Variants in RNFT2 observed in about 807,000 individuals in gnomAD.
RNFT2 encodes the protein ring finger protein, transmembrane 2.
Under a neutral mutation model 53.0 loss-of-function variants are expected in RNFT2, and 36 were observed. The ratio of observed to expected loss-of-function variants is 0.68; its 90% CI spans 0.52 to 0.90. RNFT2 has a LOEUF of 0.90. Among genes scored for constraint, RNFT2 ranks in the 40% least tolerant of loss-of-function variants. RNFT2 has a pLI of 0.00. For missense variants in RNFT2, 514 were observed against 585.6 expected (o/e 0.88, Z 1.26); for synonymous variants, 260 against 253.2 (o/e 1.03, Z -0.26).
intron 7 of RNFT2, among the ~76,000 whole-genome samples, chr12:116,794,492 G>T (rs1019105323): frequency 6.6e-6 from 1 of 151,352 alleles, no homozygotes; most frequent in Non-Finnish European, 1.5e-5. Context: ...CAGCTACGCG[G>T]GAGGCTGAGG....
chr12:116,851,403 C>G lies in RNFT2; in HGVS notation c.*1955C>G. On this transcript the variant is annotated 3_prime_UTR_variant, in exon 11 of 11. Transcript: ENST00000257575. Reference sequence around the variant, plus strand: ...TTAACCTCCGCACTGCTCTGCCCCTCAGACATTCCAGGCATGGGGCCCAGC... The same window carrying G: ...TTAACCTCCGCACTGCTCTGCCCCTGAGACATTCCAGGCATGGGGCCCAGC... 1 of 322,298 alleles carries G rather than the reference C, an allele frequency of 3.1e-6. No homozygotes were observed. The highest frequency in any genetic ancestry group is 3.2e-5 in the South Asian group (1 of 31,732). 20.0% of individuals were successfully genotyped at this position (322,298 alleles called of 1,614,324 possible).
chr12:116,809,241 C>T (rs1263358744), intron 7 of RNFT2, among the ~76,000 whole-genome samples: 1 of 152,164 alleles, frequency 6.6e-6, no homozygotes, highest in African/African-American at 2.4e-5. Flanking sequence ...GGAGCAGAGT[C>T]GTGGCTGCAT....
In RNFT2 at chr12:116,849,578, C is replaced by G. The variant is rs991043443; in HGVS notation, c.*130C>G. 7.0e-7 allele frequency: 1 copy of G among 1,429,142 alleles called. No homozygotes were observed. The highest frequency in any genetic ancestry group is 1.4e-5 in the African/African-American group (1 of 70,116). 88.5% of individuals were successfully genotyped at this position (1,429,142 alleles called of 1,614,324 possible). On this transcript the variant is annotated 3_prime_UTR_variant, in exon 11 of 11. Coordinates refer to ENST00000257575, the MANE Select transcript of RNFT2 (RefSeq NM_001382266.1). Reference sequence around the variant, plus strand: ...CTCTTGCCCTCCACCACCTCTGACCCCAAAGTCCCGCCCCTGTCTTGTCCT... The same window carrying G: ...CTCTTGCCCTCCACCACCTCTGACCGCAAAGTCCCGCCCCTGTCTTGTCCT...
intron 7 of RNFT2, among the ~76,000 whole-genome samples, chr12:116,811,847 G>A (rs999627802): frequency 6.6e-6 from 1 of 152,278 alleles, no homozygotes; most frequent in African/African-American, 2.4e-5. Flanking sequence ...AACCCTGAAT[G>A]GAAGGAAGGA....
At position 116,852,340 on chromosome 12, in the gene RNFT2, T is replaced by A; in HGVS notation, c.*2892T>A. ...CCCTTCCCCCTGCCCCGCCGTAGAT[T>A]CAGGACATTTGCCCCTGTGTGCCAC... On this transcript the variant is annotated 3_prime_UTR_variant, in exon 11 of 11. Coordinates refer to ENST00000257575, the MANE Select transcript of RNFT2 (RefSeq NM_001382266.1). 7.8e-7 allele frequency: 1 copy of A among 1,278,844 alleles called. No homozygotes were observed. The highest frequency in any genetic ancestry group is 2.0e-5 in the South Asian group (1 of 50,374). The allele number at this position is 1,278,844 out of a possible 1,614,324, so 79.2% of individuals were successfully genotyped here.
intron 7 of RNFT2, among the ~76,000 whole-genome samples, chr12:116,825,046 G>C (rs1231962771): frequency 6.6e-6 from 1 of 152,160 alleles, no homozygotes; most frequent in Non-Finnish European, 1.5e-5. Flanking sequence ...TATCTGCTGG[G>C]GCTGGACTGT....
At chr12:116,767,856 G>A (rs1872985970) in intron 6 of RNFT2, among the ~76,000 whole-genome samples, 3 of 152,212 alleles carry the variant, frequency 2.0e-5, no homozygotes, top group Admixed American at 1.3e-4. Context: ...GGGATTACAG[G>A]CGTGAGCCAC....
At chr12:116,806,431 T>TAGATAGA in intron 7 of RNFT2, among the ~76,000 whole-genome samples, 1 of 151,182 alleles carries the variant, frequency 6.6e-6, no homozygotes, top group Non-Finnish European at 1.5e-5. Context: ...GATAGATAGA[T>TAGATAGA]TCATCTAGTT....
At chr12:116,793,896 C>T (rs1426031827) in intron 7 of RNFT2, among the ~76,000 whole-genome samples, 1 of 152,112 alleles carries the variant, frequency 6.6e-6, no homozygotes, top group Admixed American at 6.6e-5. Context: ...TGTCCTTCCC[C>T]ACTAGAATGT....
At chr12:116,745,814 C>T (rs974104466) in intron 3 of RNFT2, among the ~76,000 whole-genome samples, 1 of 152,188 alleles carries the variant, frequency 6.6e-6, no homozygotes, top group African/African-American at 2.4e-5. Context: ...TAAGCATGTT[C>T]TGAGTGCCAG....
chr12:116,776,184 G>T lies in RNFT2; in HGVS notation c.729-3011G>T, dbSNP rs147768631. On this transcript the variant is annotated intron_variant, in intron 6 of 10. Transcript: ENST00000257575. ...TGATGAATCCATAGAAAAACACTTT[G>T]GCACCCACCCCCCAACCAAAAGCAA... 1.8e-3 allele frequency among the ~76,000 whole-genome samples: 271 copies of T among 152,118 alleles called. 3 individuals are homozygous for T. The highest frequency in any genetic ancestry group is 6.1e-3 in the African/African-American group (254 of 41,486).
chr12:116,751,219 A>G (rs758244446), intron 4 of RNFT2, among the ~76,000 whole-genome samples: 4 of 150,766 alleles, frequency 2.7e-5, no homozygotes, highest in Non-Finnish European at 5.9e-5. Context: ...CCGGCCTACT[A>G]TATTTGTTAT....
At chr12:116,806,968 T>C (rs541738166) in intron 7 of RNFT2, among the ~76,000 whole-genome samples, 1 of 152,252 alleles carries the variant, frequency 6.6e-6, no homozygotes, top group Admixed American at 6.5e-5. Context: ...TCTTAAGTGT[T>C]CCTCTCCCTT....
intron 10 of RNFT2, among the ~76,000 whole-genome samples, chr12:116,842,436 TG>T (rs1182601288): frequency 6.6e-6 from 1 of 152,154 alleles, no homozygotes; most frequent in African/African-American, 2.4e-5. Context: ...CTGTGTACCT[TG>T]GGCGCACAGC....
At chr12:116,751,126 G>A (rs1385530655) in intron 4 of RNFT2, among the ~76,000 whole-genome samples, 2 of 150,760 alleles carry the variant, frequency 1.3e-5, no homozygotes, top group African/African-American at 4.9e-5. Context: ...ATATTGCCCA[G>A]GCTGGTCTCA....
rs148422989 is a variant in RNFT2 at position 116,821,073 on chromosome 12, G to C, written c.883-12719G>C. Among the ~76,000 whole-genome samples the C allele has an allele frequency of 1.8e-4, 28 of 152,190 alleles. No individual in the cohort carries two copies. The East Asian group carries it at 5.4e-3, about 29-fold the overall frequency. The stretch of plus-strand genomic sequence containing the variant: ...ATTGGTGTGCCGTTCCTGGCCCCTG[G>C]TAAGCGCTTAATACGGGGGTTACTC... On this transcript the variant is annotated intron_variant, in intron 7 of 10. Coordinates refer to ENST00000257575, the MANE Select transcript of RNFT2 (RefSeq NM_001382266.1).
chr12:116,806,967 T>C (rs1388687946), intron 7 of RNFT2, among the ~76,000 whole-genome samples: 1 of 152,172 alleles, frequency 6.6e-6, no homozygotes, highest in Non-Finnish European at 1.5e-5. Flanking sequence ...TTCTTAAGTG[T>C]TCCTCTCCCT....
rs1292104383 is a variant in RNFT2, at chr12:116,841,806, AAT to A, written c.1200+5534_1200+5535del. On this transcript the variant is annotated intron_variant, in intron 10 of 10. Coordinates refer to ENST00000257575, the MANE Select transcript of RNFT2 (RefSeq NM_001382266.1). ...ATATATATATATAAATATATATATA[AAT>A]ATATATATAAAAATATATATATATA... Among the ~76,000 whole-genome samples the A allele has an allele frequency of 1.4e-3, 119 of 88,122 alleles. 3 individuals carry two copies. The highest frequency in any genetic ancestry group is 5.8e-3 in the African/African-American group (113 of 19,480). The allele number at this position is 88,122 out of a possible 152,430, so 57.8% of individuals were successfully genotyped here. A position where few individuals can be genotyped will look rare whatever the true frequency, so the allele number is the denominator to read the frequency against.
chr12:116,828,523 G>A (rs1384711315), intron 7 of RNFT2, among the ~76,000 whole-genome samples: 3 of 152,186 alleles, frequency 2.0e-5, no homozygotes, highest in African/African-American at 7.2e-5. Context: ...TTTGCTTAGT[G>A]ATGGTCTTCC....
Sources: gnomAD v4.1 joint callset for allele counts (sites outside exome capture counted in the v4.1 genomes callset) on GRCh38, gnomAD v4.1.1 for gene constraint, MANE v1.5 for transcripts, NCBI Gene and HGNC (gene_info 2026-07-23, HGNC 2026-07-21) for gene names.